ENAH: variants seen among roughly 807,000 people sequenced by gnomAD.
ENAH encodes the protein protein enabled homolog.
Under a neutral mutation model 78.7 loss-of-function variants are expected in ENAH, and 23 were observed. That is an observed-to-expected ratio of 0.29 (90% CI 0.21 to 0.41). The LOEUF is 0.41. Ranked by LOEUF, ENAH falls within the 10% of genes least tolerant of loss-of-function variation. The probability of loss-of-function intolerance (pLI) is 1.00; values close to 1 mark genes in which losing one functional copy is unlikely to be tolerated. For synonymous variants in ENAH, 226 were observed against 241.0 expected, an observed-to-expected ratio of 0.94 and a Z score of 0.58; for missense variants, 544 against 691.0, an observed-to-expected ratio of 0.79 and a Z score of 2.39.
chr1:225,616,058 C>CTG (rs1558914126), intron 1 of ENAH, among the ~76,000 whole-genome samples: 1 of 152,172 alleles, frequency 6.6e-6, no homozygotes, highest in African/African-American at 2.4e-5. Flanking sequence ...AAAACATGTG[C>CTG]TGTGTCCACT....
chr1:225,558,001 C>T (rs1453552261), intron 2 of ENAH, among the ~76,000 whole-genome samples: 2 of 152,084 alleles, frequency 1.3e-5, no homozygotes, highest in African/African-American at 2.4e-5. Context: ...TGTTTTTATG[C>T]AGTAAGTTAC....
intron 1 of ENAH, among the ~76,000 whole-genome samples, chr1:225,590,624 C>T (rs1487827185): frequency 6.6e-6 from 1 of 151,976 alleles, no homozygotes; most frequent in African/African-American, 2.4e-5. Context: ...ATGAAGGATA[C>T]CAAAACCATA....
At position 225,555,100 on chromosome 1, in the gene ENAH, C is replaced by T; in HGVS notation, c.172-17G>A. On this transcript the variant is annotated splice_polypyrimidine_tract_variant and intron_variant, in intron 2 of 13. Transcript: ENST00000366843. ...TATCACGACCTAAAAAATAATAATT[C>T]TTTATAAAGTCAAACCAATAATTGG... 2 of 1,503,040 alleles carry T rather than the reference C, an allele frequency of 1.3e-6. No individual in the cohort carries two copies. The highest frequency in any genetic ancestry group is 9.0e-7 in the Non-Finnish European group (1 of 1,105,216). 93.1% of individuals were successfully genotyped at this position (1,503,040 alleles called of 1,614,324 possible).
chr1:225,621,296 C>CTTTTTTTTT (rs757480714), intron 1 of ENAH, among the ~76,000 whole-genome samples: 11 of 142,770 alleles, frequency 7.7e-5, no homozygotes, highest in East Asian at 2.0e-4. Context: ...ATCTATCTCT[C>CTTTTTTTTT]TTTTTTTTTT....
At position 225,497,150 on chromosome 1, in the gene ENAH, TC is replaced by T. The variant is rs770441332; in HGVS notation, c.*624del. The T allele has an allele frequency of 3.3e-5, 5 of 152,612 alleles. No homozygotes were observed. Among genetic ancestry groups the T allele is most frequent in the Non-Finnish European group, 7.4e-5 (5 of 68,024 alleles). The allele number at this position is 152,612 out of a possible 1,614,324, so 9.5% of individuals were successfully genotyped here. On this transcript the variant is annotated 3_prime_UTR_variant, in exon 14 of 14. Coordinates refer to ENST00000366843, the MANE Select transcript of ENAH (RefSeq NM_018212.6). Reference sequence around the variant, plus strand: ...TGCATGAAGGCTAACTCGAGAAACTTCCTATCATTCTAAAATTTCTCAAGCT... The same window carrying T: ...TGCATGAAGGCTAACTCGAGAAACTTCTATCATTCTAAAATTTCTCAAGCT...
chr1:225,533,551 T>C (rs1003784104), intron 3 of ENAH, among the ~76,000 whole-genome samples: 30 of 152,126 alleles, frequency 2.0e-4, no homozygotes, highest in Non-Finnish European at 7.4e-5. Context: ...TCATAAAGAA[T>C]AGCAGCTGTT....
Position 225,634,600 on chromosome 1 carries a change from A to C in ENAH, c.5+18086T>G, listed in dbSNP as rs546128723. The stretch of plus-strand genomic sequence containing the variant: ...TCTGAAAGTAGGCACTGATGTTTTA[A>C]GAAAAAAACACTAAACTCTCTTTGA... On this transcript the variant is annotated intron_variant, in intron 1 of 13. Coordinates refer to ENST00000366843, the MANE Select transcript of ENAH (RefSeq NM_018212.6). Among the ~76,000 whole-genome samples, 9 of 152,350 alleles carry C rather than the reference A, an allele frequency of 5.9e-5. No individual in the cohort carries two copies. The South Asian group carries it at 1.9e-3, about 32-fold the overall frequency.
chr1:225,532,361 T>C (rs1169289357), intron 3 of ENAH, among the ~76,000 whole-genome samples: 1 of 152,108 alleles, frequency 6.6e-6, no homozygotes, highest in Non-Finnish European at 1.5e-5. Flanking sequence ...GTTTTAACTA[T>C]TTTTTAAAAT....
At chr1:225,635,892 C>A (rs1158062062) in intron 1 of ENAH, among the ~76,000 whole-genome samples, 2 of 152,226 alleles carry the variant, frequency 1.3e-5, no homozygotes, top group Non-Finnish European at 2.9e-5. Flanking sequence ...GAAAGCAATT[C>A]TGCCTCAAAA....
At chr1:225,643,657 T>C (rs1331245962) in intron 1 of ENAH, among the ~76,000 whole-genome samples, 3 of 152,208 alleles carry the variant, frequency 2.0e-5, no homozygotes, top group African/African-American at 7.2e-5. Flanking sequence ...AATTACTGGC[T>C]GGACACAGCA....
At chr1:225,586,281 G>A (rs2096846387) in intron 1 of ENAH, among the ~76,000 whole-genome samples, 1 of 148,636 alleles carries the variant, frequency 6.7e-6, no homozygotes, top group Non-Finnish European at 1.5e-5. Flanking sequence ...GGAGAAGGAG[G>A]GGGAAGAAAA....
chr1:225,593,174 AAGACGTCT>A (rs1171242478), intron 1 of ENAH, among the ~76,000 whole-genome samples: 1 of 152,130 alleles, frequency 6.6e-6, no homozygotes, highest in Non-Finnish European at 1.5e-5. Flanking sequence ...ACACAGACTA[AAGACGTCT>A]AGCCACCCTG....
rs566305037 is a variant in ENAH, at chr1:225,652,613, G to T, written c.5+73C>A. 1.1e-3 allele frequency: 1,353 copies of T among 1,240,006 alleles called. 2 individuals carry two copies. Among genetic ancestry groups the T allele is most frequent in the Non-Finnish European group, 9.9e-4 (978 of 983,618 alleles). 76.8% of individuals were successfully genotyped at this position (1,240,006 alleles called of 1,614,324 possible). ...GCCGGGCCGGGAGAGGGAAGGCGGG[G>T]TCCGAGGAGAACGGGGGTCGCGGCT... On this transcript the variant is annotated intron_variant, in intron 1 of 13. Coordinates refer to ENST00000366843, the MANE Select transcript of ENAH (RefSeq NM_018212.6).
At chr1:225,520,121 C>A (rs1293438045) in intron 4 of ENAH, among the ~76,000 whole-genome samples, 1 of 151,930 alleles carries the variant, frequency 6.6e-6, no homozygotes, top group Non-Finnish European at 1.5e-5. Flanking sequence ...TGGTGAAACC[C>A]CATCTCTACC....
At chr1:225,586,933 C>CAAA (rs571548591) in intron 1 of ENAH, among the ~76,000 whole-genome samples, 1 of 32,788 alleles carries the variant, frequency 3.0e-5, no homozygotes, top group Admixed American at 3.0e-4. Context: ...CTGACCATCT[C>CAAA]AAAAAAAAAA....
intron 1 of ENAH, among the ~76,000 whole-genome samples, chr1:225,620,145 TG>T (rs1656540505): frequency 1.3e-5 from 2 of 151,954 alleles, no homozygotes; most frequent in Non-Finnish European, 2.9e-5. Context: ...ATTTGAAAGC[TG>T]GAACTATCTG....
intron 1 of ENAH, among the ~76,000 whole-genome samples, chr1:225,627,791 T>C (rs1658221071): frequency 6.6e-6 from 1 of 152,150 alleles, no homozygotes; most frequent in East Asian, 1.9e-4. Context: ...GAATGTAACT[T>C]TCAGACGCCT....
chr1:225,591,790 A>AAAAAAAAAAAAAAG (rs1558871378), intron 1 of ENAH, among the ~76,000 whole-genome samples: 2 of 147,138 alleles, frequency 1.4e-5, no homozygotes, highest in African/African-American at 5.1e-5. Flanking sequence ...AAAAAAAAAA[A>AAAAAAAAAAAAAAG]GGGCTTCAAA....
At chr1:225,591,368 TG>T (rs2096874736) in intron 1 of ENAH, among the ~76,000 whole-genome samples, 1 of 151,508 alleles carries the variant, frequency 6.6e-6, no homozygotes, top group African/African-American at 2.4e-5. Context: ...CTCAGGAGGC[TG>T]AGGCAGGAGA....
Sources: gnomAD v4.1 joint callset for allele counts (sites outside exome capture counted in the v4.1 genomes callset) on GRCh38, gnomAD v4.1.1 for gene constraint, MANE v1.5 for transcripts, NCBI Gene and HGNC (gene_info 2026-07-23, HGNC 2026-07-21) for gene names.